Variants in DGAT2L6 observed in about 807,000 individuals in gnomAD.
DGAT2L6 encodes diacylglycerol O-acyltransferase 2-like protein 6.
A neutral mutation model predicts 25.5 loss-of-function variants in DGAT2L6; 22 were observed. That is an observed-to-expected ratio of 0.86 (90% CI 0.62 to 1.23). DGAT2L6 has a LOEUF of 1.23. Ranked by LOEUF, DGAT2L6 falls within the 50% of genes most tolerant of loss-of-function variation. DGAT2L6 has a pLI of 0.00. For missense variants in DGAT2L6, 287 were observed against 253.2 expected, an observed-to-expected ratio of 1.13 and a Z score of -0.91; for synonymous variants, 100 against 94.7, an observed-to-expected ratio of 1.06 and a Z score of -0.32.
At chrX:70,198,349 T>C (rs1362487430) in intron 1 of DGAT2L6, among the ~76,000 whole-genome samples, 2 of 111,998 alleles carry the variant, frequency 1.8e-5, no homozygotes, top group Non-Finnish European at 3.8e-5. Context: ...AAGTGTTTTT[T>C]GTTGTTGTTG....
intron 5 of DGAT2L6, among the ~76,000 whole-genome samples, chrX:70,203,663 G>A (rs1308345577): frequency 2.7e-5 from 3 of 111,076 alleles, no homozygotes; most frequent in East Asian, 5.7e-4. Context: ...CACGGTTGGG[G>A]CAGCGTTAGT....
chrX:70,200,486 T>C, intron 4 of DGAT2L6, 27 bp downstream of exon 4: 5 of 1,167,684 alleles, frequency 4.3e-6, no homozygotes, highest in Non-Finnish European at 5.8e-6. Context: ...ATTAATTCTA[T>C]TTTTTTACCT....
chrX:70,199,465 A>C, intron 2 of DGAT2L6, 84 bp downstream of exon 2: 1 of 522,260 alleles, frequency 1.9e-6, no homozygotes, highest in Non-Finnish European at 3.0e-6. Flanking sequence ...GAGGGGGAGA[A>C]CCAAGGGTAG....
chrX:70,183,855 A>T (rs1412530520), intron 1 of DGAT2L6, among the ~76,000 whole-genome samples: 1 of 106,080 alleles, frequency 9.4e-6, no homozygotes, highest in African/African-American at 3.5e-5. Flanking sequence ...ACACAGTGAG[A>T]CTCCATCTCT....
rs1047686937 is a variant in DGAT2L6 at position 70,205,316 on chromosome X, A to G, written c.*210A>G. ...GCTTAGGGGAAAGAACCAGAGGGGC[A>G]GGGGAGGACTGGGGAGGGCTGGCTA... is the stretch of plus-strand genomic sequence containing the variant. On this transcript the variant is annotated 3_prime_UTR_variant, in exon 7 of 7. Transcript: ENST00000333026. 1.5e-5 allele frequency: 6 copies of G among 395,091 alleles called. No individual in the cohort carries two copies. The highest frequency in any genetic ancestry group is 2.6e-5 in the African/African-American group (1 of 38,691). The allele number at this position is 395,091 out of a possible 1,213,427, so 32.6% of individuals were successfully genotyped here. A position where few individuals can be genotyped will look rare whatever the true frequency, so the allele number is the denominator to read the frequency against.
rs1485644228 is a variant in DGAT2L6 at position 70,204,462 on chromosome X, T to A, written c.805T>A (p.Phe269Ile). 1 of 1,211,614 alleles carries A rather than the reference T, an allele frequency of 8.3e-7. No individual in the cohort carries two copies. Residue 269 changes from phenylalanine (F) to isoleucine (I), a missense_variant, in exon 6 of 7, where the codon TTC becomes ATC. Coordinates refer to ENST00000333026, the MANE Select transcript of DGAT2L6 (RefSeq NM_198512.3). ...TTTCTGTACCTTCCATGGCCGGGGC[T>A]TCACTCGCGGATCCTGGGGCTTCCT... ...LNFCTFHGRG[F>I]TRGSWGFLPF...
At chrX:70,195,464 T>TCTCACACACACA (rs2085388192) in intron 1 of DGAT2L6, among the ~76,000 whole-genome samples, 1 of 103,587 alleles carries the variant, frequency 9.7e-6, no homozygotes, top group African/African-American at 3.5e-5. Context: ...AAAGAAAGTG[T>TCTCACACACACA]CACACACACA....
chrX:70,198,774 G>A (rs898292865), intron 1 of DGAT2L6, among the ~76,000 whole-genome samples: 3 of 111,600 alleles, frequency 2.7e-5, no homozygotes, highest in Non-Finnish European at 5.6e-5. Context: ...TCCTGACCTC[G>A]TGATCTGCCT....
chrX:70,205,690 A>G lies in DGAT2L6; in HGVS notation c.*584A>G, dbSNP rs760485011. ...TTCTTCTTTGAAAATAAAGTTCTAG[A>G]CATATAAAACAGGATACCACTATTT... On this transcript the variant is annotated 3_prime_UTR_variant, in exon 7 of 7. Transcript: ENST00000333026. The G allele has an allele frequency of 8.9e-6, 1 of 112,071 alleles. No homozygotes were observed. The highest frequency in any genetic ancestry group is 9.4e-5 in the Admixed American group (1 of 10,615). 9.2% of individuals were successfully genotyped at this position (112,071 alleles called of 1,213,427 possible). A position where few individuals can be genotyped will look rare whatever the true frequency, so the allele number is the denominator to read the frequency against.
intron 1 of DGAT2L6, among the ~76,000 whole-genome samples, chrX:70,179,756 C>T (rs1426532991): frequency 1.8e-5 from 2 of 108,338 alleles, no homozygotes; most frequent in Non-Finnish European, 3.8e-5. Context: ...TTAGTAGAGA[C>T]GGGGTATCGC....
intron 1 of DGAT2L6, among the ~76,000 whole-genome samples, chrX:70,198,969 A>G (rs1298331290): frequency 1.8e-5 from 2 of 112,222 alleles, no homozygotes; most frequent in Non-Finnish European, 3.8e-5. Flanking sequence ...CTACCAGCCC[A>G]ATGTGCTCTT....
intron 1 of DGAT2L6, among the ~76,000 whole-genome samples, chrX:70,181,269 T>C (rs1029186403): frequency 5.3e-5 from 6 of 112,329 alleles, no homozygotes; most frequent in Non-Finnish European, 1.1e-4. Context: ...GATGATCTCA[T>C]TGTGGTTTTG....
intron 4 of DGAT2L6, among the ~76,000 whole-genome samples, chrX:70,201,499 A>T (rs1403965427): frequency 1.8e-5 from 2 of 111,326 alleles, no homozygotes; most frequent in Non-Finnish European, 3.8e-5. Context: ...GCTAGTCTCG[A>T]TTACCCCTGG....
chrX:70,203,016 A>C (rs2085416267), intron 5 of DGAT2L6, among the ~76,000 whole-genome samples: 1 of 111,912 alleles, frequency 8.9e-6, no homozygotes, highest in Non-Finnish European at 1.9e-5. Flanking sequence ...CCTGCTTTAG[A>C]GTCTTTGCTT....
chrX:70,184,845 C>T (rs1210446763), intron 1 of DGAT2L6, among the ~76,000 whole-genome samples: 2 of 110,704 alleles, frequency 1.8e-5, no homozygotes, highest in East Asian at 5.7e-4. Context: ...ACCCCAGCAT[C>T]AACTCAGCTG....
At chrX:70,202,463 C>T (rs1192478392) in intron 5 of DGAT2L6, among the ~76,000 whole-genome samples, 2 of 111,796 alleles carry the variant, frequency 1.8e-5, no homozygotes, top group African/African-American at 6.5e-5. Context: ...AGCATACAAT[C>T]TGGTTTGAGA....
In DGAT2L6 at chrX:70,201,885, C is replaced by T. The variant is rs773920428; in HGVS notation, c.473-5C>T. The T allele has an allele frequency of 8.6e-7, 1 of 1,163,021 alleles. No individual in the cohort carries two copies. Among genetic ancestry groups the T allele is most frequent in the East Asian group, 3.2e-5 (1 of 31,518 alleles). On this transcript the variant is annotated splice_region_variant and splice_polypyrimidine_tract_variant and intron_variant, in intron 4 of 6. Coordinates refer to ENST00000333026, the MANE Select transcript of DGAT2L6 (RefSeq NM_198512.3). ...TTTCTACCACTTGACTCTTTGGTTT[C>T]ACAGGTGTGTGCCCTGTGAGTAGCT...
rs1239001171 is a variant in DGAT2L6, at chrX:70,201,975, A to G, written c.558A>G (p.Gly186=). 8.3e-7 allele frequency: 1 copy of G among 1,209,948 alleles called. No individual in the cohort carries two copies. Among genetic ancestry groups the G allele is most frequent in the Non-Finnish European group, 1.1e-6 (1 of 894,823 alleles). Residue 186 remains glycine (G), a synonymous_variant, in exon 5 of 7, where the codon GGA becomes GGG. Coordinates refer to ENST00000333026, the MANE Select transcript of DGAT2L6 (RefSeq NM_198512.3). ...ATGCCGTGGTTATTGTGGTGGGTGGAGCTGCTGAAGCTCTCTTGTGCCGAC... is the reference window on the plus strand; with the variant it reads ...ATGCCGTGGTTATTGTGGTGGGTGGGGCTGCTGAAGCTCTCTTGTGCCGAC... ...SGNAVVIVVG[G]AAEALLCRPG...
intron 1 of DGAT2L6, among the ~76,000 whole-genome samples, chrX:70,192,925 C>A (rs1033801298): frequency 9.0e-6 from 1 of 111,705 alleles, no homozygotes; most frequent in East Asian, 2.8e-4. Context: ...CATATGCCAA[C>A]AAATTGGATA....
Sources: allele counts gnomAD v4.1 joint callset (sites outside exome capture counted in the v4.1 genomes callset), GRCh38; gene constraint gnomAD v4.1.1; transcripts MANE v1.5; gene names NCBI Gene and HGNC (gene_info 2026-07-23, HGNC 2026-07-21).